PCNX2: variants seen among roughly 807,000 people sequenced by gnomAD.
The protein encoded by PCNX2 is pecanex-like protein 2.
A neutral mutation model predicts 223.8 loss-of-function variants in PCNX2; 168 were observed. That is an observed-to-expected ratio of 0.75 (90% CI 0.66 to 0.85). The LOEUF (loss-of-function observed/expected upper bound fraction) is 0.85. Among genes scored for constraint, PCNX2 ranks in the 40% least tolerant of loss-of-function variants. The pLI, the probability that PCNX2 is intolerant of heterozygous loss-of-function variation, is 0.00. For missense variants in PCNX2, 2,507 were observed against 2,675.5 expected, an observed-to-expected ratio of 0.94 and a Z score of 1.39; for synonymous variants, 1,006 against 1,052.6, an observed-to-expected ratio of 0.96 and a Z score of 0.86.
At chr1:233,216,857 T>TAA (rs1656965448) in intron 12 of PCNX2, among the ~76,000 whole-genome samples, 1 of 152,092 alleles carries the variant, frequency 6.6e-6, no homozygotes, top group African/African-American at 2.4e-5. Context: ...TATATATATA[T>TAA]AATAGGAATA....
At chr1:233,031,735 A>G (rs1671272462) in intron 25 of PCNX2, 1 of 984,208 alleles carries the variant, frequency 1.0e-6, no homozygotes, top group Non-Finnish European at 1.2e-6. Context: ...TTCGGATTCC[A>G]TTTGTCTTTC....
chr1:233,123,847 T>C (rs558792254), intron 21 of PCNX2, among the ~76,000 whole-genome samples: 19 of 152,196 alleles, frequency 1.2e-4, no homozygotes, highest in Non-Finnish European at 2.1e-4. Context: ...AAATGTATCA[T>C]GGGCATAGTT....
the PCNX2 span, among the ~76,000 whole-genome samples, chr1:233,305,263 A>G: frequency 2.0e-5 from 3 of 152,194 alleles, no homozygotes; most frequent in African/African-American, 7.2e-5. Flanking sequence ...TGAAGGACTT[A>G]TAATGTATAA....
chr1:233,167,828 T>C (rs896523039), intron 17 of PCNX2: 20 of 968,350 alleles, frequency 2.1e-5, no homozygotes, highest in Non-Finnish European at 2.5e-5. Flanking sequence ...TTGGTTTTCT[T>C]GTTAAATAAC....
intron 9 of PCNX2, chr1:233,231,547 C>T (rs78043078): frequency 2.6e-6 from 2 of 780,760 alleles, no homozygotes; most frequent in South Asian, 5.8e-5. Flanking sequence ...AAATTATTGG[C>T]CTGTTTTCTT....
rs1408001488 is a variant in PCNX2, at chr1:233,000,736, A to G, written c.5098-201T>C. The stretch of plus-strand genomic sequence containing the variant: ...TTGCCCTAACCAATGGAATGTGCCT[A>G]GAAAAGAGCTTCATGGCTTAGGTTC... On this transcript the variant is annotated intron_variant, in intron 29 of 33. Coordinates refer to ENST00000258229, the MANE Select transcript of PCNX2 (RefSeq NM_014801.4). The surrounding 1 kb of genome is among the most constrained non-coding windows in gnomAD (Gnocchi z 4.6). Among the ~76,000 whole-genome samples the G allele has an allele frequency of 1.3e-5, 2 of 152,232 alleles. No homozygotes were observed. The highest frequency in any genetic ancestry group is 2.9e-5 in the Non-Finnish European group (2 of 68,050).
At chr1:233,016,798 T>A (rs1670679700) in intron 27 of PCNX2, 123 bp downstream of exon 27, 1 of 1,448,314 alleles carries the variant, frequency 6.9e-7, no homozygotes, top group Non-Finnish European at 9.1e-7. Flanking sequence ...GTCCAAATAG[T>A]GCTTTTTTTC....
intron 8 of PCNX2, among the ~76,000 whole-genome samples, chr1:233,245,945 A>G (rs1001860856): frequency 6.6e-6 from 1 of 152,144 alleles, no homozygotes; most frequent in African/African-American, 2.4e-5. Flanking sequence ...CAAACAAAAG[A>G]AACTTAAAAT....
At chr1:233,007,958 C>A (rs978489951) in intron 28 of PCNX2, among the ~76,000 whole-genome samples, 1 of 152,166 alleles carries the variant, frequency 6.6e-6, no homozygotes, top group Admixed American at 6.5e-5. Flanking sequence ...AGATTACAGG[C>A]GTGAGCCACC....
At chr1:233,122,302 AT>A (rs1178784113) in intron 21 of PCNX2, among the ~76,000 whole-genome samples, 2 of 152,194 alleles carry the variant, frequency 1.3e-5, no homozygotes, top group African/African-American at 4.8e-5. Context: ...CAAATCTCCC[AT>A]GCAGAAGAAT....
At chr1:233,090,880 T>A (rs142502094) in intron 22 of PCNX2, among the ~76,000 whole-genome samples, 374 of 152,342 alleles carry the variant, frequency 2.5e-3, no homozygotes, top group Non-Finnish European at 4.4e-3. Context: ...AAAGAGGTAA[T>A]TGCTCAATAT....
intron 19 of PCNX2, among the ~76,000 whole-genome samples, chr1:233,159,920 C>T (rs148147186): frequency 0.01 from 1,551 of 152,320 alleles, 26 homozygotes; most frequent in African/African-American, 0.035. Context: ...TCAAGGGATG[C>T]TCTTCTTAGG....
chr1:233,223,293 C>A (rs1283587014), intron 10 of PCNX2, among the ~76,000 whole-genome samples: 1 of 152,080 alleles, frequency 6.6e-6, no homozygotes, highest in Admixed American at 6.5e-5. Flanking sequence ...GCAGGTTCAA[C>A]GGAGTTTTGA....
At position 233,014,766 on chromosome 1, in the gene PCNX2, G is replaced by T. The variant is rs1285768962; in HGVS notation, c.4851C>A (p.Thr1617=). Residue 1617 remains threonine, a synonymous_variant, in exon 28 of 34, where the codon ACC becomes ACA. Coordinates refer to ENST00000258229, the MANE Select transcript of PCNX2 (RefSeq NM_014801.4). The stretch of plus-strand genomic sequence containing the variant: ...AGGGAGAGTCCTCGTCACTGTCCAG[G>T]GTCGTTGAAGGCTGAAAGAGCAAGA... The part of the protein sequence containing the change: ...CARKRQEPST[T]LDSDEDSPLV... 1.2e-6 allele frequency: 2 copies of T among 1,613,554 alleles called. No individual in the cohort carries two copies. Among genetic ancestry groups the T allele is most frequent in the African/African-American group, 1.3e-5 (1 of 74,882 alleles).
At chr1:233,129,602 G>A (rs1301260201) in intron 21 of PCNX2, among the ~76,000 whole-genome samples, 1 of 152,238 alleles carries the variant, frequency 6.6e-6, no homozygotes, top group Non-Finnish European at 1.5e-5. Context: ...TGGGGACTTG[G>A]AGAACCTTTA....
intron 23 of PCNX2, among the ~76,000 whole-genome samples, chr1:233,070,819 G>GA (rs1460441236): frequency 6.6e-6 from 1 of 152,000 alleles, no homozygotes; most frequent in Non-Finnish European, 1.5e-5. Flanking sequence ...GGCAGATCAC[G>GA]AGGTCTGGAG....
At position 232,986,401 on chromosome 1, in the gene PCNX2, G is replaced by T; in HGVS notation, c.5931C>A (p.Ala1977=). Residue 1977 remains alanine, a synonymous_variant, in exon 33 of 34, where the codon GCC becomes GCA. Transcript: ENST00000258229. ...AGAGCCGGCTGCCCGAGAGCCTCTG[G>T]GCCAGCTCGTGCACTGAGGTGGACG... ...LQTSTSVHEL[A]QRLSGSRLSL... 6.2e-7 allele frequency: 1 copy of T among 1,605,010 alleles called. No homozygotes were observed. The highest frequency in any genetic ancestry group is 8.5e-7 in the Non-Finnish European group (1 of 1,175,884).
At position 232,984,143 on chromosome 1, in the gene PCNX2, C is replaced by G; in HGVS notation, c.*161G>C. ...TTTTTTTTTTTTTTTTTTCAAAAACCTGAGATCAGTTCTGTGTTCTGGAAC... is the reference window on the plus strand; with the variant it reads ...TTTTTTTTTTTTTTTTTTCAAAAACGTGAGATCAGTTCTGTGTTCTGGAAC... On this transcript the variant is annotated 3_prime_UTR_variant, in exon 34 of 34. Coordinates refer to ENST00000258229, the MANE Select transcript of PCNX2 (RefSeq NM_014801.4). 1 of 152,096 alleles carries G rather than the reference C, an allele frequency of 6.6e-6. No homozygotes were observed. The highest frequency in any genetic ancestry group is 1.2e-5 in the Non-Finnish European group (1 of 80,778). The allele number at this position is 152,096 out of a possible 1,614,324, so 9.4% of individuals were successfully genotyped here. A position where few individuals can be genotyped will look rare whatever the true frequency, so the allele number is the denominator to read the frequency against.
chr1:233,021,552 G>A (rs1415057052), intron 26 of PCNX2, among the ~76,000 whole-genome samples: 10 of 152,206 alleles, frequency 6.6e-5, no homozygotes, highest in Non-Finnish European at 1.5e-4. Context: ...TCGAATGTGT[G>A]GGTAGGACAT....
Sources: gnomAD v4.1 joint callset for allele counts (sites outside exome capture counted in the v4.1 genomes callset) on GRCh38, gnomAD v4.1.1 for gene constraint, Gnocchi (gnomAD v3.1) non-coding constraint, MANE v1.5 for transcripts, NCBI Gene and HGNC (gene_info 2026-07-23, HGNC 2026-07-21) for gene names.